The following MED30 variants were observed in gnomAD, a reference collection of about 807,000 sequenced individuals.
MED30 encodes mediator complex subunit 30.
A neutral mutation model predicts 21.7 loss-of-function variants in MED30; 8 were observed. The observed-to-expected ratio is 0.37, with a 90% confidence interval of 0.22 to 0.67. MED30 has a LOEUF of 0.67. MED30 is among the 30% of genes least tolerant of loss of function. The pLI is 0.58. For synonymous variants in MED30, 79 were observed against 86.7 expected (o/e 0.91, Z 0.49); for missense variants, 203 against 228.2 (o/e 0.89, Z 0.71).
Position 117,540,055 on chromosome 8 carries a change from G to A in MED30, c.*77G>A, listed in dbSNP as rs1351934874. The stretch of plus-strand genomic sequence containing the variant: ...TCAAGTATTTTTTCCCTGTGAAGAA[G>A]ATTATTTATCTGCTTTTATTTTAGT... On this transcript the variant is annotated 3_prime_UTR_variant, in exon 4 of 4. Coordinates refer to ENST00000297347, the MANE Select transcript of MED30 (RefSeq NM_080651.4). 1 of 772,180 alleles carries A rather than the reference G, an allele frequency of 1.3e-6. No homozygotes were observed. Among genetic ancestry groups the A allele is most frequent in the Non-Finnish European group, 2.0e-6 (1 of 506,890 alleles). 47.8% of individuals were successfully genotyped at this position (772,180 alleles called of 1,614,324 possible).
At chr8:117,527,409 A>G (rs1258391851) in intron 1 of MED30, among the ~76,000 whole-genome samples, 1 of 151,956 alleles carries the variant, frequency 6.6e-6, no homozygotes, top group Non-Finnish European at 1.5e-5. Context: ...CACACTTCAA[A>G]TAATTTCAGG....
chr8:117,526,411 T>G (rs1818721150), intron 1 of MED30, among the ~76,000 whole-genome samples: 1 of 152,098 alleles, frequency 6.6e-6, no homozygotes, highest in Admixed American at 6.6e-5. Context: ...GATTCCACAT[T>G]AATCATAGTG....
In MED30 at chr8:117,523,574, C is replaced by A. The variant is rs1818667868; in HGVS notation, c.177+2521C>A. 1.9e-6 allele frequency: 3 copies of A among 1,601,770 alleles called. No homozygotes were observed. The African/African-American group carries it at 4.0e-5, about 21-fold the overall frequency. Reference sequence around the variant, plus strand: ...AGGTACCAGTAGAAATGTCTCCAGGCAAACTGTTCCTTCACGTAGCCTCAG... The same window carrying A: ...AGGTACCAGTAGAAATGTCTCCAGGAAAACTGTTCCTTCACGTAGCCTCAG... On this transcript the variant is annotated intron_variant, in intron 1 of 3. Coordinates refer to ENST00000297347, the MANE Select transcript of MED30 (RefSeq NM_080651.4).
chr8:117,525,385 A>T (rs573320156), intron 1 of MED30, among the ~76,000 whole-genome samples: 2 of 140,236 alleles, frequency 1.4e-5, no homozygotes, highest in Non-Finnish European at 3.1e-5. Context: ...TAATTGTAGG[A>T]TTTAGCTATT....
chr8:117,533,538 T>A (rs184516925), intron 3 of MED30, among the ~76,000 whole-genome samples: 45 of 152,336 alleles, frequency 3.0e-4, no homozygotes, highest in Admixed American at 1.6e-3. Context: ...TTCATAAGTA[T>A]TGTTTATTGC....
intron 1 of MED30, among the ~76,000 whole-genome samples, chr8:117,525,483 T>C (rs1455202788): frequency 6.6e-6 from 1 of 152,058 alleles, no homozygotes; most frequent in Non-Finnish European, 1.5e-5. Context: ...TAATGGTAGT[T>C]TTGCCATGCA....
chr8:117,521,036 C>A lies in MED30; in HGVS notation c.160C>A (p.Leu54Ile), dbSNP rs375141232. ...GTACCGCACCATGGAGATCTTCCAG[C>A]TCCTGAGGAACATGCAGGTAGGAAG... ...IVYRTMEIFQLLRNMQLPNGV... is the reference protein window; with the variant it reads ...IVYRTMEIFQILRNMQLPNGV... The change falls in exon 1 of 4, where the codon CTC becomes ATC. Residue 54 changes from leucine to isoleucine, a missense_variant. By Grantham distance (5) the Leu-to-Ile change is conservative. Transcript: ENST00000297347. 1.9e-6 allele frequency: 3 copies of A among 1,589,768 alleles called. No homozygotes were observed. The highest frequency in any genetic ancestry group is 2.6e-6 in the Non-Finnish European group (3 of 1,164,562).
intron 3 of MED30, among the ~76,000 whole-genome samples, chr8:117,536,944 A>G (rs1379290566): frequency 6.6e-6 from 1 of 152,212 alleles, no homozygotes; most frequent in East Asian, 1.9e-4. Flanking sequence ...ACATCTCATA[A>G]TGTTTTAAGA....
At chr8:117,531,325 G>A (rs932657113) in intron 3 of MED30, among the ~76,000 whole-genome samples, 12 of 152,006 alleles carry the variant, frequency 7.9e-5, no homozygotes, top group African/African-American at 2.9e-4. Context: ...TCGTGAAACA[G>A]AGAGAAATAG....
rs1410248427 is a variant in MED30, at chr8:117,539,918, T to C, written c.477T>C (p.Ile159=). Residue 159 remains isoleucine, a synonymous_variant, in exon 4 of 4, where the codon ATT becomes ATC. Transcript: ENST00000297347. ...AGAAGAATCAACAGCTGAAACAAAT[T>C]ATGGATCAATTACGAAATCTCATCT... The part of the protein sequence containing the change: ...LKQKNQQLKQ[I]MDQLRNLIWD... The C allele has an allele frequency of 1.2e-6, 2 of 1,609,044 alleles. No homozygotes were observed. Among genetic ancestry groups the C allele is most frequent in the Admixed American group, 1.7e-5 (1 of 59,506 alleles).
At chr8:117,538,406 C>A (rs1818917775) in intron 3 of MED30, among the ~76,000 whole-genome samples, 1 of 152,076 alleles carries the variant, frequency 6.6e-6, no homozygotes, top group Admixed American at 6.6e-5. Context: ...ATAAGAGTTT[C>A]TTGGTCTTTC....
At chr8:117,536,803 A>C (rs1278542456) in intron 3 of MED30, among the ~76,000 whole-genome samples, 1 of 152,250 alleles carries the variant, frequency 6.6e-6, no homozygotes, top group Non-Finnish European at 1.5e-5. Flanking sequence ...CATATGCTTT[A>C]GGTGCAGGGG....
At chr8:117,534,990 T>G (rs1322097458) in intron 3 of MED30, among the ~76,000 whole-genome samples, 1 of 151,828 alleles carries the variant, frequency 6.6e-6, no homozygotes, top group African/African-American at 2.4e-5. Context: ...TAGAGTTTTG[T>G]GGATTTTAAG....
intron 2 of MED30, among the ~76,000 whole-genome samples, chr8:117,529,154 G>A (rs1172571873): frequency 6.6e-6 from 1 of 151,576 alleles, no homozygotes; most frequent in Non-Finnish European, 1.5e-5. Context: ...TACTTTTAAG[G>A]TGGTTTTCAT....
At chr8:117,536,814 T>C in intron 3 of MED30, among the ~76,000 whole-genome samples, 1 of 152,162 alleles carries the variant, frequency 6.6e-6, no homozygotes, top group East Asian at 1.9e-4. Flanking sequence ...GGTGCAGGGG[T>C]GTCCAATCTT....
At chr8:117,525,391 C>T (rs1818703856) in intron 1 of MED30, among the ~76,000 whole-genome samples, 2 of 146,988 alleles carry the variant, frequency 1.4e-5, no homozygotes, top group African/African-American at 2.5e-5. Context: ...TAGGATTTAG[C>T]TATTTACATA....
intron 3 of MED30, among the ~76,000 whole-genome samples, chr8:117,536,917 T>TA (rs373160755): frequency 1.3e-5 from 2 of 152,126 alleles, no homozygotes; most frequent in South Asian, 2.1e-4. Flanking sequence ...AGCCAAAATA[T>TA]AAAAAAATCA....
chr8:117,539,879 A>C lies in MED30; in HGVS notation c.442-4A>C, dbSNP rs779815611. On this transcript the variant is annotated splice_polypyrimidine_tract_variant and splice_region_variant and intron_variant, in intron 3 of 3. Coordinates refer to ENST00000297347, the MANE Select transcript of MED30 (RefSeq NM_080651.4). ...ATTTTTGATAAATTCTTTTGTTTCTACAGAAACTCAAACAGAAGAATCAAC... is the reference window on the plus strand; with the variant it reads ...ATTTTTGATAAATTCTTTTGTTTCTCCAGAAACTCAAACAGAAGAATCAAC... The C allele has an allele frequency of 2.5e-6, 4 of 1,570,720 alleles. No individual in the cohort carries two copies. The highest frequency in any genetic ancestry group is 3.5e-6 in the Non-Finnish European group (4 of 1,146,206).
chr8:117,539,822 C>T, intron 3 of MED30, 61 bp from the exon 4 acceptor site: 2 of 975,516 alleles, frequency 2.1e-6, no homozygotes, highest in Non-Finnish European at 3.1e-6. Flanking sequence ...ATATTTTAAT[C>T]TTCTAACTTC....
Sources: gnomAD v4.1 joint callset for allele counts (sites outside exome capture counted in the v4.1 genomes callset) on GRCh38, gnomAD v4.1.1 for gene constraint, MANE v1.5 for transcripts, NCBI Gene and HGNC (gene_info 2026-07-23, HGNC 2026-07-21) for gene names.